The following CDC25B variants were observed in gnomAD, a reference collection of about 807,000 sequenced individuals.
CDC25B encodes M-phase inducer phosphatase 2.
Under a neutral mutation model 69.8 loss-of-function variants are expected in CDC25B, and 33 were observed. The ratio of observed to expected loss-of-function variants is 0.47; its 90% CI spans 0.36 to 0.63. CDC25B has a LOEUF of 0.63. Among genes scored for constraint, CDC25B ranks in the 30% least tolerant of loss-of-function variants. The pLI is 0.00. For missense variants in CDC25B, 727 were observed against 809.1 expected, an observed-to-expected ratio of 0.90 and a Z score of 1.23; for synonymous variants, 341 against 314.6, an observed-to-expected ratio of 1.08 and a Z score of -0.89.
At chr20:3,795,704 C>T (rs1395637349), upstream of CDC25B, 1 of 985,418 alleles carries the variant, frequency 1.0e-6, no homozygotes, top group Non-Finnish European at 1.2e-6. Context: ...GCCCTCCCAC[C>T]TCCTACGCTG....
At position 3,796,677 on chromosome 20, in the gene CDC25B, C is replaced by G; in HGVS notation, c.146C>G (p.Ser49Cys). 1 of 1,525,970 alleles carries G rather than the reference C, an allele frequency of 6.6e-7. No individual in the cohort carries two copies. The highest frequency in any genetic ancestry group is 8.7e-7 in the Non-Finnish European group (1 of 1,146,644). The allele number at this position is 1,525,970 out of a possible 1,614,324, so 94.5% of individuals were successfully genotyped here. Residue 49 changes from serine (S) to cysteine (C), a missense_variant, in exon 1 of 16, where the codon TCC becomes TGC. Coordinates refer to ENST00000245960, the MANE Select transcript of CDC25B (RefSeq NM_021873.4). ...LLGSPVRAAA[S>C]SPVTTLTQTM... is the part of the protein sequence containing the mutation. The stretch of plus-strand genomic sequence containing the variant: ...GGGTCCCCGGTGCGGGCGGCCGCTT[C>G]CTCGCCGGTCACCACCCTCACCCAG...
chr20:3,791,570 C>G (rs1350607202), upstream of CDC25B, among the ~76,000 whole-genome samples: 2 of 152,230 alleles, frequency 1.3e-5, no homozygotes, highest in East Asian at 3.9e-4. Context: ...GTAGTCACAG[C>G]TACTTGGGAG....
chr20:3,805,914 T>G lies in CDC25B; in HGVS notation c.*953T>G. ...CATGACAGCCTGCAGCAGGAATATA[T>G]GTGTGCCTATTTGTGTGGACAAAAA... is the stretch of plus-strand genomic sequence containing the variant. On this transcript the variant is annotated 3_prime_UTR_variant, in exon 16 of 16. Coordinates refer to ENST00000245960, the MANE Select transcript of CDC25B (RefSeq NM_021873.4). The G allele has an allele frequency of 2.5e-6, 1 of 403,338 alleles. No homozygotes were observed. Among genetic ancestry groups the G allele is most frequent in the Non-Finnish European group, 4.4e-6 (1 of 227,682 alleles). 25.0% of individuals were successfully genotyped at this position (403,338 alleles called of 1,614,324 possible). A position where few individuals can be genotyped will look rare whatever the true frequency, so the allele number is the denominator to read the frequency against.
intron 1 of CDC25B, among the ~76,000 whole-genome samples, chr20:3,787,324 T>A (rs1424114299): frequency 6.6e-6 from 1 of 152,254 alleles, no homozygotes; most frequent in Non-Finnish European, 1.5e-5. Flanking sequence ...CCAACACGCT[T>A]TTTAATGATT....
Position 3,797,697 on chromosome 20 carries a change from A to G in CDC25B, c.276A>G (p.Arg92=). 6.2e-7 allele frequency: 1 copy of G among 1,614,008 alleles called. No homozygotes were observed. Among genetic ancestry groups the G allele is most frequent in the East Asian group, 2.2e-5 (1 of 44,866 alleles). The change falls in exon 2 of 16, where the codon CGA becomes CGG. Residue 92 remains arginine (R), a synonymous_variant. Transcript: ENST00000245960. ...RSRLTHLSLS[R]RASESSLSSE... ...GCCTGACGCACCTATCCCTGTCTCG[A>G]CGGGCATCCGAATCCTCCCTGTCGT... is the stretch of plus-strand genomic sequence containing the variant.
At chr20:3,787,664 C>T (rs1438629364) in intron 1 of CDC25B, among the ~76,000 whole-genome samples, 1 of 152,120 alleles carries the variant, frequency 6.6e-6, no homozygotes, top group African/African-American at 2.4e-5. Flanking sequence ...GAATGTATAG[C>T]TGTGTTTTTA....
intron 1 of CDC25B, 35 bp from the exon 2 acceptor site, chr20:3,797,587 C>T (rs779068119): frequency 2.5e-6 from 4 of 1,612,490 alleles, no homozygotes; most frequent in Non-Finnish European, 3.4e-6. Flanking sequence ...CCACGTTTAC[C>T]TTTCTCCTTT....
intron 1 of CDC25B, among the ~76,000 whole-genome samples, chr20:3,797,348 C>T (rs2089094319): frequency 6.6e-6 from 1 of 152,208 alleles, no homozygotes; most frequent in Non-Finnish European, 1.5e-5. Context: ...TTAGGCTGGC[C>T]TCCAGCCAGG....
At chr20:3,791,397 A>G (rs887876617), upstream of CDC25B, among the ~76,000 whole-genome samples, 2 of 152,062 alleles carry the variant, frequency 1.3e-5, no homozygotes, top group African/African-American at 4.8e-5. Flanking sequence ...TCAATACTTA[A>G]TGCTACTGGG....
In CDC25B at chr20:3,804,682, T is replaced by G; in HGVS notation, c.1602+2T>G. 6.2e-7 allele frequency: 1 copy of G among 1,605,844 alleles called. No homozygotes were observed. The highest frequency in any genetic ancestry group is 8.5e-7 in the Non-Finnish European group (1 of 1,175,216). On this transcript the variant is annotated splice_donor_variant, in intron 15 of 15. Transcript: ENST00000245960. LOFTEE classifies it high-confidence loss of function. ...AAGGAGTTCTTCCCTCAGCACCCGGTAGCGTGGGTGGGGAAGGCCACAGTC... is the reference window on the plus strand; with the variant it reads ...AAGGAGTTCTTCCCTCAGCACCCGGGAGCGTGGGTGGGGAAGGCCACAGTC...
chr20:3,802,059 A>G lies in CDC25B; in HGVS notation c.1057A>G (p.Ser353Gly), dbSNP rs1452468464. ...GCCCGTGCAGAATAAGCGGAGGCGG[A>G]GCGTGACCCCTCCTGAGGAGCAGCA... ...DTPVQNKRRR[S>G]VTPPEEQQEA... The change falls in exon 10 of 16, where the codon AGC (serine) becomes GGC (glycine). Residue 353 changes from serine (S) to glycine (G), a missense_variant. By Grantham distance (56) the Ser-to-Gly change is moderately conservative (BLOSUM62 0). Transcript: ENST00000245960. The G allele has an allele frequency of 3.8e-6, 6 of 1,564,516 alleles. No individual in the cohort carries two copies. The highest frequency in any genetic ancestry group is 1.9e-5 in the Admixed American group (1 of 52,258).
intron 1 of CDC25B, among the ~76,000 whole-genome samples, chr20:3,790,418 G>A (rs1397678348): frequency 1.2e-4 from 14 of 117,386 alleles, no homozygotes; most frequent in African/African-American, 4.7e-4. Context: ...TCACTCTGTC[G>A]CCCAGGCTGG....
chr20:3,795,839 G>A, upstream of CDC25B: 1 of 984,856 alleles, frequency 1.0e-6, no homozygotes, highest in Non-Finnish European at 1.2e-6. Context: ...CCAACCGCGT[G>A]ACCTTGATTG....
At chr20:3,798,315 GT>G (rs58192077) in intron 2 of CDC25B, 96 bp from the exon 3 acceptor site, 43,711 of 367,870 alleles carry the variant, frequency 0.12, 1,923 homozygotes, top group African/African-American at 0.35. Flanking sequence ...ACTAGAAACT[GT>G]TTTTTTTTTT....
chr20:3,805,940 T>A lies in CDC25B; in HGVS notation c.*979T>A, dbSNP rs2089460405. On this transcript the variant is annotated 3_prime_UTR_variant, in exon 16 of 16. Transcript: ENST00000245960. ...GTGTGCCTATTTGTGTGGACAAAAA[T>A]ATTTACACTTAGGGTTTGGAGCTAT... 1 of 402,416 alleles carries A rather than the reference T, an allele frequency of 2.5e-6. No individual in the cohort carries two copies. The highest frequency in any genetic ancestry group is 4.4e-6 in the Non-Finnish European group (1 of 227,372). The allele number at this position is 402,416 out of a possible 1,614,324, so 24.9% of individuals were successfully genotyped here.
upstream of CDC25B, chr20:3,796,017 C>A: frequency 1.0e-6 from 1 of 990,840 alleles, no homozygotes; most frequent in South Asian, 4.5e-5. Flanking sequence ...CTGCGGAGGC[C>A]ACCCTAGGGC....
At chr20:3,788,384 TG>T (rs1568497252) in intron 1 of CDC25B, among the ~76,000 whole-genome samples, 3 of 152,252 alleles carry the variant, frequency 2.0e-5, no homozygotes, top group Non-Finnish European at 4.4e-5. Flanking sequence ...GCTCTTTACA[TG>T]CTCTGAAGAA....
At chr20:3,797,779 G>A (rs780406436) in intron 2 of CDC25B, 30 bp downstream of exon 2, 11 of 1,612,016 alleles carry the variant, frequency 6.8e-6, no homozygotes, top group Non-Finnish European at 8.5e-6. Context: ...GGGGAGATCT[G>A]CCTGTGTCAG....
rs1442397900 is a variant in CDC25B at position 3,800,269 on chromosome 20, G to A, written c.381-19G>A. 3.7e-6 allele frequency: 6 copies of A among 1,613,676 alleles called. No individual in the cohort carries two copies. Among genetic ancestry groups the A allele is most frequent in the African/African-American group, 1.3e-5 (1 of 74,902 alleles). On this transcript the variant is annotated intron_variant, in intron 3 of 15. Transcript: ENST00000245960. ...GTGCGGAGGGAGCATGGGTTGCATG[G>A]GACCCTTCTCTGTCCTAGGTTTGAA...
Sources: gnomAD v4.1 joint callset for allele counts (sites outside exome capture counted in the v4.1 genomes callset) on GRCh38, gnomAD v4.1.1 for gene constraint, MANE v1.5 for transcripts, NCBI Gene and HGNC (gene_info 2026-07-23, HGNC 2026-07-21) for gene names.